The following CNTN4 variants were observed in gnomAD, a reference collection of about 807,000 sequenced individuals.
CNTN4 encodes the protein contactin-4.
In CNTN4, 77 loss-of-function variants were observed where a neutral mutation model predicts 122.5. The ratio of observed to expected loss-of-function variants is 0.63; its 90% confidence interval spans 0.52 to 0.76. CNTN4 has a LOEUF of 0.76. Among genes scored for constraint, CNTN4 ranks in the 30% least tolerant of loss-of-function variants. The pLI is 0.00. For missense variants in CNTN4, 1,256 were observed against 1,259.1 expected (o/e 1.00, Z 0.04); for synonymous variants, 512 against 447.0 (o/e 1.15, Z -1.83).
At chr3:2,265,474 A>G (rs1218159809) in intron 2 of CNTN4, among the ~76,000 whole-genome samples, 19 of 152,062 alleles carry the variant, frequency 1.2e-4, no homozygotes, top group Non-Finnish European at 2.9e-5. Context: ...TTTGTAATAT[A>G]ATTTGAAATC....
chr3:2,829,107 C>G (rs1029040536), intron 7 of CNTN4, among the ~76,000 whole-genome samples: 26 of 152,140 alleles, frequency 1.7e-4, no homozygotes, highest in Non-Finnish European at 2.6e-4. Context: ...AAGATATGAA[C>G]TTGGACTCCT....
chr3:2,799,556 G>A (rs192531531), intron 6 of CNTN4, among the ~76,000 whole-genome samples: 39,095 of 151,742 alleles, frequency 0.26, 5,705 homozygotes, highest in Non-Finnish European at 0.32. Context: ...TCTGCCTCCG[G>A]GGTTCAAGCG....
intron 2 of CNTN4, among the ~76,000 whole-genome samples, chr3:2,331,279 C>T (rs573082128): frequency 2.0e-5 from 3 of 152,044 alleles, no homozygotes; most frequent in Non-Finnish European, 4.4e-5. Context: ...GATATAGAGG[C>T]AGTTCAGGTA....
chr3:2,518,969 G>A (rs2077119723), intron 3 of CNTN4, among the ~76,000 whole-genome samples: 1 of 152,050 alleles, frequency 6.6e-6, no homozygotes, highest in African/African-American at 2.4e-5. Flanking sequence ...GGCAATTGTA[G>A]GAAAATAACT....
At chr3:2,797,076 C>A (rs1030141417) in intron 6 of CNTN4, among the ~76,000 whole-genome samples, 1 of 152,164 alleles carries the variant, frequency 6.6e-6, no homozygotes, top group Admixed American at 6.5e-5. Flanking sequence ...TCAAAGCTCA[C>A]TGCAGCCTAC....
intron 7 of CNTN4, among the ~76,000 whole-genome samples, chr3:2,860,842 T>G (rs1159469530): frequency 6.6e-6 from 1 of 152,216 alleles, no homozygotes; most frequent in Non-Finnish European, 1.5e-5. Context: ...TTTTGGTTTC[T>G]TCTGAAACCA....
intron 4 of CNTN4, among the ~76,000 whole-genome samples, chr3:2,671,378 G>A (rs950972324): frequency 1.2e-4 from 18 of 152,002 alleles, no homozygotes; most frequent in South Asian, 2.1e-4. Context: ...CCAGTTGATC[G>A]AATCGGCTAC....
chr3:2,149,663 A>G (rs2035406790), intron 2 of CNTN4, among the ~76,000 whole-genome samples: 1 of 152,328 alleles, frequency 6.6e-6, no homozygotes, highest in Non-Finnish European at 1.5e-5. Flanking sequence ...TATAAATACT[A>G]TGAAGCTTGT....
chr3:2,914,907 C>T (rs1210384993), intron 12 of CNTN4, among the ~76,000 whole-genome samples: 1 of 152,154 alleles, frequency 6.6e-6, no homozygotes, highest in Non-Finnish European at 1.5e-5. Flanking sequence ...CTCAGCAGTA[C>T]ATTAAAAGGA....
chr3:3,011,636 C>T (rs1697238426), intron 14 of CNTN4, among the ~76,000 whole-genome samples: 1 of 152,100 alleles, frequency 6.6e-6, no homozygotes, highest in Non-Finnish European at 1.5e-5. Flanking sequence ...CTAGCAACAA[C>T]TTGTTTTGAG....
intron 10 of CNTN4, among the ~76,000 whole-genome samples, chr3:2,890,505 G>A (rs531536521): frequency 6.6e-6 from 1 of 152,176 alleles, no homozygotes; most frequent in African/African-American, 2.4e-5. Context: ...TTGGGTTCCA[G>A]GTTGTTTATT....
chr3:2,322,507 G>C (rs150467379), intron 2 of CNTN4, among the ~76,000 whole-genome samples: 11 of 152,188 alleles, frequency 7.2e-5, no homozygotes, highest in African/African-American at 2.4e-4. Flanking sequence ...CAGCAAGACA[G>C]AAGGCATAAT....
Position 2,412,777 on chromosome 3 carries a change from T to C in CNTN4, c.-89+73544T>C, listed in dbSNP as rs148161824. On this transcript the variant is annotated intron_variant, in intron 3 of 24. Transcript: ENST00000418658. ...GAAAACAAAAGGTAGAATCGTATAG[T>C]AGTTAGGATAGAAAGCTGTAGAATC... Among the ~76,000 whole-genome samples, 5 of 152,278 alleles carry C rather than the reference T, an allele frequency of 3.3e-5. No individual in the cohort carries two copies. The East Asian group carries it at 7.7e-4, about 23-fold the overall frequency.
chr3:2,835,127 G>A (rs976110218), intron 7 of CNTN4, among the ~76,000 whole-genome samples: 3 of 151,224 alleles, frequency 2.0e-5, no homozygotes, highest in Admixed American at 6.6e-5. Flanking sequence ...GGATGGTCTC[G>A]ATCTCCTGAT....
At chr3:2,635,360 C>T (rs184112126) in intron 4 of CNTN4, among the ~76,000 whole-genome samples, 10 of 152,304 alleles carry the variant, frequency 6.6e-5, no homozygotes, top group Non-Finnish European at 1.5e-5. Context: ...TTCTCCCACA[C>T]TTTTTCCTCT....
chr3:2,481,449 C>A (rs1449852673), intron 3 of CNTN4, among the ~76,000 whole-genome samples: 2 of 152,004 alleles, frequency 1.3e-5, no homozygotes, highest in African/African-American at 4.8e-5. Context: ...CCAAGATAGT[C>A]TTTTCAATAA....
At chr3:2,146,312 G>A (rs1418021368) in intron 2 of CNTN4, among the ~76,000 whole-genome samples, 1 of 150,404 alleles carries the variant, frequency 6.6e-6, no homozygotes, top group Admixed American at 6.6e-5. Context: ...AAGTATTTTT[G>A]ATTAGAGTAA....
chr3:2,802,924 T>A (rs1000715891), intron 6 of CNTN4, among the ~76,000 whole-genome samples: 1 of 152,066 alleles, frequency 6.6e-6, no homozygotes, highest in South Asian at 2.1e-4. Flanking sequence ...GTTTCTTAAG[T>A]AAGAAATTAA....
At chr3:2,203,015 G>A (rs1460438411) in intron 2 of CNTN4, among the ~76,000 whole-genome samples, 1 of 149,326 alleles carries the variant, frequency 6.7e-6, no homozygotes, top group Admixed American at 6.7e-5. Flanking sequence ...TGCATTTTTA[G>A]TGGAGATGGG....
Sources: gnomAD v4.1 joint callset for allele counts (sites outside exome capture counted in the v4.1 genomes callset) on GRCh38, gnomAD v4.1.1 for gene constraint, MANE v1.5 for transcripts, NCBI Gene and HGNC (gene_info 2026-07-23, HGNC 2026-07-21) for gene names.